The following PHACTR3 variants were observed in gnomAD, a reference collection of about 807,000 sequenced individuals.
The protein encoded by PHACTR3 is phosphatase and actin regulator 3.
PHACTR3 carries 16 observed loss-of-function variants against 66.8 expected under a neutral mutation model. That is an observed-to-expected ratio of 0.24 (90% CI 0.16 to 0.36). The LOEUF is 0.36. PHACTR3 is among the 10% of genes least tolerant of loss of function. The pLI is 1.00. For missense variants in PHACTR3, 647 were observed against 719.9 expected, an observed-to-expected ratio of 0.90 and a Z score of 1.16; for synonymous variants, 323 against 292.1, an observed-to-expected ratio of 1.11 and a Z score of -1.08.
At chr20:59,620,139 C>T (rs1448451164) in intron 1 of PHACTR3, among the ~76,000 whole-genome samples, 1 of 152,190 alleles carries the variant, frequency 6.6e-6, no homozygotes, top group African/African-American at 2.4e-5. Context: ...CCCATAGCCA[C>T]TCCTTTTTAT....
chr20:59,622,421 T>C (rs2034275634), intron 1 of PHACTR3, among the ~76,000 whole-genome samples: 1 of 152,204 alleles, frequency 6.6e-6, no homozygotes, highest in African/African-American at 2.4e-5. Context: ...ATGAGGCACG[T>C]GACCTTTGCA....
chr20:59,713,131 C>T (rs2037965605), intron 1 of PHACTR3, among the ~76,000 whole-genome samples: 1 of 152,218 alleles, frequency 6.6e-6, no homozygotes, highest in Non-Finnish European at 1.5e-5. Flanking sequence ...GAAAACAGCT[C>T]TCCTGGGTGC....
At chr20:59,671,226 G>T (rs543736325) in intron 1 of PHACTR3, among the ~76,000 whole-genome samples, 1 of 152,322 alleles carries the variant, frequency 6.6e-6, no homozygotes, top group South Asian at 2.1e-4. Flanking sequence ...GGCTTCCTTG[G>T]CCTGGGCAAG....
intron 1 of PHACTR3, among the ~76,000 whole-genome samples, chr20:59,735,940 TCCTAGAACAGTTCTTG>T (rs2038929999): frequency 1.3e-5 from 2 of 152,142 alleles, no homozygotes; most frequent in Admixed American, 6.5e-5. Context: ...GTTCCGTCAG[TCCTAGAACAGTTCTTG>T]CCTCATAGCT....
chr20:59,776,026 C>T (rs1415642942), intron 7 of PHACTR3, among the ~76,000 whole-genome samples: 4 of 152,218 alleles, frequency 2.6e-5, no homozygotes, highest in Admixed American at 2.0e-4. Context: ...AGAATCACCC[C>T]CAGCTGAGAA....
chr20:59,825,381 C>T (rs1477598815), intron 8 of PHACTR3, among the ~76,000 whole-genome samples: 1 of 152,238 alleles, frequency 6.6e-6, no homozygotes, highest in Non-Finnish European at 1.5e-5. Flanking sequence ...CTCATGCATT[C>T]AGACACTCAT....
chr20:59,846,943 C>A (rs2059162391), intron 12 of PHACTR3, among the ~76,000 whole-genome samples, 172 bp from the exon 13 acceptor site: 1 of 152,114 alleles, frequency 6.6e-6, no homozygotes, highest in Non-Finnish European at 1.5e-5. Context: ...GAGTGGGGAG[C>A]CCTCTGAGAC....
chr20:59,716,260 G>A (rs1601172403), intron 1 of PHACTR3, among the ~76,000 whole-genome samples: 1 of 116,162 alleles, frequency 8.6e-6, no homozygotes, highest in Non-Finnish European at 1.8e-5. Context: ...GTGTGTGTGT[G>A]TGTTGTGACA....
In PHACTR3 at chr20:59,830,383, GGA is replaced by G. The variant is rs73628161; in HGVS notation, c.1329-6116_1329-6115del. Among the ~76,000 whole-genome samples, 5 of 152,144 alleles carry G rather than the reference GGA, an allele frequency of 3.3e-5. No individual in the cohort carries two copies. In the East Asian group the frequency reaches 9.7e-4, roughly 29 times the overall value. On this transcript the variant is annotated intron_variant, in intron 8 of 12. Coordinates refer to ENST00000371015, the MANE Select transcript of PHACTR3 (RefSeq NM_080672.5). The surrounding 1 kb of genome is among the most constrained non-coding windows in gnomAD (Gnocchi z 5.8). ...GATGGAGACGGTGTGAATGTCTGAT[GGA>G]GAGAGCATGAGTGATGAAGAGGGTG...
At chr20:59,774,199 G>A in intron 6 of PHACTR3, 44 bp from the exon 7 acceptor site, 1 of 1,524,832 alleles carries the variant, frequency 6.6e-7, no homozygotes, top group Admixed American at 2.2e-5. Context: ...TGGGTTTCTG[G>A]GTGAAGGGGG....
intron 1 of PHACTR3, among the ~76,000 whole-genome samples, chr20:59,742,835 A>AT (rs1287621436): frequency 3.3e-5 from 5 of 152,194 alleles, no homozygotes; most frequent in Non-Finnish European, 7.3e-5. Flanking sequence ...AATTAGGAAC[A>AT]TCTTCACACG....
intron 1 of PHACTR3, among the ~76,000 whole-genome samples, chr20:59,591,205 C>T (rs1195201577): frequency 6.6e-6 from 1 of 152,220 alleles, no homozygotes; most frequent in African/African-American, 2.4e-5. Flanking sequence ...TGACAGGGCT[C>T]TGGCCATTCT....
intron 1 of PHACTR3, among the ~76,000 whole-genome samples, chr20:59,685,613 C>G (rs767971351): frequency 7.2e-5 from 11 of 152,212 alleles, no homozygotes; most frequent in Non-Finnish European, 1.3e-4. Context: ...CCACTCTGGC[C>G]TCTGCTCACA....
intron 8 of PHACTR3, among the ~76,000 whole-genome samples, chr20:59,823,316 A>G (rs1600720364): frequency 2.6e-5 from 4 of 151,884 alleles, no homozygotes; most frequent in Admixed American, 6.6e-5. Flanking sequence ...TGCAGATATT[A>G]CCTCCCATGT....
At chr20:59,652,126 G>A (rs780619373) in intron 1 of PHACTR3, among the ~76,000 whole-genome samples, 44 of 152,060 alleles carry the variant, frequency 2.9e-4, no homozygotes, top group Admixed American at 1.0e-3. Flanking sequence ...CAGACAGGAA[G>A]GAAAAAAGGC....
intron 12 of PHACTR3, among the ~76,000 whole-genome samples, chr20:59,846,903 C>T (rs1037951427): frequency 2.6e-5 from 4 of 152,086 alleles, no homozygotes; most frequent in African/African-American, 9.7e-5. Flanking sequence ...CTAGATAGTC[C>T]TAAGAATTCA....
intron 12 of PHACTR3, among the ~76,000 whole-genome samples, chr20:59,845,541 A>G (rs2059132421): frequency 6.6e-6 from 1 of 152,178 alleles, no homozygotes; most frequent in Non-Finnish European, 1.5e-5. Context: ...CAATGAAAGT[A>G]ATTTTTCTGT....
chr20:59,663,624 G>A (rs1260576852), intron 1 of PHACTR3, among the ~76,000 whole-genome samples: 1 of 152,176 alleles, frequency 6.6e-6, no homozygotes, highest in Non-Finnish European at 1.5e-5. Context: ...ATGGCGTGTC[G>A]ACACCAAGCC....
chr20:59,676,646 T>G, intron 1 of PHACTR3: 4 of 977,656 alleles, frequency 4.1e-6, no homozygotes, highest in Non-Finnish European at 3.6e-6. Context: ...CTGTGAGGGC[T>G]CTTTGCCAAT....
Sources: gnomAD v4.1 joint callset for allele counts (sites outside exome capture counted in the v4.1 genomes callset) on GRCh38, gnomAD v4.1.1 for gene constraint, Gnocchi (gnomAD v3.1) non-coding constraint, MANE v1.5 for transcripts, NCBI Gene and HGNC (gene_info 2026-07-23, HGNC 2026-07-21) for gene names.